Variants in DGKH observed in about 807,000 individuals in gnomAD.
The protein encoded by DGKH is DAG kinase eta.
DGKH carries 90 observed loss-of-function variants against 159.3 expected under a neutral mutation model. The ratio of observed to expected loss-of-function variants is 0.57; its 90% CI spans 0.48 to 0.67. The LOEUF (loss-of-function observed/expected upper bound fraction) is 0.67. DGKH is among the 30% of genes least tolerant of loss of function. The probability of loss-of-function intolerance (pLI) is 0.00; values close to 1 mark genes in which losing one functional copy is unlikely to be tolerated. For synonymous variants in DGKH, 536 were observed against 553.8 expected (o/e 0.97, Z 0.45); for missense variants, 1,181 against 1,506.1 (o/e 0.78, Z 3.57).
At chr13:42,166,070 C>T (rs1024599597) in intron 8 of DGKH, among the ~76,000 whole-genome samples, 1 of 152,050 alleles carries the variant, frequency 6.6e-6, no homozygotes, top group Non-Finnish European at 1.5e-5. Context: ...GAGGACTGTA[C>T]TATTATTAAT....
In DGKH at chr13:42,239,896, T is replaced by C. The variant is rs570786808; in HGVS notation, c.*10708T>C. 5 of 152,364 alleles carry C rather than the reference T, an allele frequency of 3.3e-5. No individual in the cohort carries two copies. The South Asian group carries it at 8.3e-4, about 25-fold the overall frequency. The allele number at this position is 152,364 out of a possible 1,614,324, so 9.4% of individuals were successfully genotyped here. A position where few individuals can be genotyped will look rare whatever the true frequency, so the allele number is the denominator to read the frequency against. ...TAATCCAGGAATTTGGAACTACTTATGACTTAGTGCCTTGGCATAATCACA... is the reference window on the plus strand; with the variant it reads ...TAATCCAGGAATTTGGAACTACTTACGACTTAGTGCCTTGGCATAATCACA... On this transcript the variant is annotated 3_prime_UTR_variant, in exon 30 of 30. Transcript: ENST00000337343.
At chr13:42,212,088 C>T (rs1275368153) in intron 24 of DGKH, among the ~76,000 whole-genome samples, 2 of 152,162 alleles carry the variant, frequency 1.3e-5, no homozygotes, top group African/African-American at 2.4e-5. Context: ...CATCTGGTCA[C>T]TGATAAAAAT....
At chr13:42,102,693 T>C (rs2137778180) in intron 1 of DGKH, among the ~76,000 whole-genome samples, 1 of 152,252 alleles carries the variant, frequency 6.6e-6, no homozygotes, top group Non-Finnish European at 1.5e-5. Flanking sequence ...CAACTTTGAG[T>C]AGAGTTTGGA....
At chr13:42,184,357 G>A (rs1248110269) in intron 13 of DGKH, among the ~76,000 whole-genome samples, 1 of 152,152 alleles carries the variant, frequency 6.6e-6, no homozygotes, top group Non-Finnish European at 1.5e-5. Flanking sequence ...AAGAAATTAA[G>A]TGGAAAGGTG....
rs1958383117 is a variant in DGKH, at chr13:42,234,835, A to C, written c.*5647A>C. On this transcript the variant is annotated 3_prime_UTR_variant, in exon 30 of 30. Coordinates refer to ENST00000337343, the MANE Select transcript of DGKH (RefSeq NM_178009.5). ...GGCATCCCCTGATTGACTTTTGTAT[A>C]GCAACCTCTGTGTCAAGTCAGTAAT... is the stretch of plus-strand genomic sequence containing the variant. 1 of 152,180 alleles carries C rather than the reference A, an allele frequency of 6.6e-6. No homozygotes were observed. Among genetic ancestry groups the C allele is most frequent in the Admixed American group, 6.5e-5 (1 of 15,276 alleles). The allele number at this position is 152,180 out of a possible 1,614,324, so 9.4% of individuals were successfully genotyped here.
intron 26 of DGKH, among the ~76,000 whole-genome samples, chr13:42,216,089 A>T (rs1218345396): frequency 6.6e-6 from 1 of 152,254 alleles, no homozygotes; most frequent in African/African-American, 2.4e-5. Flanking sequence ...TTTTCTAGAC[A>T]CAGTGTTTCA....
intron 28 of DGKH, among the ~76,000 whole-genome samples, chr13:42,220,404 T>A (rs1360652010): frequency 6.6e-6 from 1 of 152,230 alleles, no homozygotes; most frequent in African/African-American, 2.4e-5. Context: ...TTTTCACCTT[T>A]CCTTAGAGTT....
At chr13:42,195,777 G>A (rs1957190497) in intron 17 of DGKH, 1 of 152,158 alleles carries the variant, frequency 6.6e-6, no homozygotes, top group Admixed American at 6.5e-5. Context: ...TGATTTCTCA[G>A]ATATGACAAG....
At chr13:42,210,537 G>A (rs1168704635) in intron 23 of DGKH, 65 bp from the exon 24 acceptor site, 2 of 1,448,858 alleles carry the variant, frequency 1.4e-6, no homozygotes, top group African/African-American at 1.4e-5. Context: ...TTTTATTAAA[G>A]CACACATTTA....
chr13:42,207,650 ATTG>A (rs975232652), intron 21 of DGKH, among the ~76,000 whole-genome samples: 1 of 148,936 alleles, frequency 6.7e-6, no homozygotes, highest in African/African-American at 2.5e-5. Context: ...TACAAATGTA[ATTG>A]TTGTGAAAAG....
At chr13:42,102,392 T>C (rs941729053) in intron 1 of DGKH, among the ~76,000 whole-genome samples, 18 of 152,344 alleles carry the variant, frequency 1.2e-4, no homozygotes, top group Non-Finnish European at 2.1e-4. Flanking sequence ...TTTTAAAAAG[T>C]GGCCCCACTC....
In DGKH at chr13:42,210,552, G is replaced by C. The variant is rs779232361; in HGVS notation, c.2851-50G>C. ...TTTTATTAAAGCACACATTTACATG[G>C]ACCTCTGAGTTCTAAACTAACAATT... On this transcript the variant is annotated intron_variant, in intron 23 of 29. Coordinates refer to ENST00000337343, the MANE Select transcript of DGKH (RefSeq NM_178009.5). The C allele has an allele frequency of 5.2e-6, 8 of 1,544,258 alleles. No homozygotes were observed. The Admixed American group carries it at 1.5e-4, about 28-fold the overall frequency.
chr13:42,041,952 T>C (rs1306515244), intron 1 of DGKH, among the ~76,000 whole-genome samples: 1 of 152,206 alleles, frequency 6.6e-6, no homozygotes, highest in Non-Finnish European at 1.5e-5. Context: ...GTGCCAGGGT[T>C]GGCTGTCCTT....
chr13:42,094,378 A>G (rs1214919914), intron 1 of DGKH, among the ~76,000 whole-genome samples: 1 of 152,250 alleles, frequency 6.6e-6, no homozygotes, highest in Non-Finnish European at 1.5e-5. Context: ...CAAACTTGTT[A>G]GTACAGTTTT....
chr13:42,129,410 TA>T (rs1955242127), intron 2 of DGKH, 141 bp from the exon 3 acceptor site: 2 of 657,468 alleles, frequency 3.0e-6, no homozygotes, highest in Non-Finnish European at 5.1e-6. Flanking sequence ...TTTTCCTTTC[TA>T]GGAAGAAATT....
rs199701780 is a variant in DGKH at position 42,221,421 on chromosome 13, T to C, written c.3573+27T>C. ...TATTTCCTTTGTGCTCTTCTGTTCT[T>C]GAAAATTTTATTGCAAAACAGAATC... On this transcript the variant is annotated intron_variant, in intron 29 of 29. Transcript: ENST00000337343. The C allele has an allele frequency of 6.4e-5, 103 of 1,608,446 alleles. No homozygotes were observed. The East Asian group carries it at 1.1e-3, about 17-fold the overall frequency.
chr13:42,217,623 A>G (rs969898195), intron 26 of DGKH, among the ~76,000 whole-genome samples: 1 of 152,184 alleles, frequency 6.6e-6, no homozygotes, highest in Non-Finnish European at 1.5e-5. Flanking sequence ...AAAGTTCATA[A>G]TAACAGTAAT....
intron 24 of DGKH, among the ~76,000 whole-genome samples, chr13:42,211,183 C>A (rs759175619): frequency 3.3e-5 from 5 of 152,026 alleles, no homozygotes; most frequent in Non-Finnish European, 5.9e-5. Flanking sequence ...AAATAAAAAT[C>A]ACTATGACCA....
chr13:42,200,129 C>T (rs1350121165), intron 20 of DGKH, among the ~76,000 whole-genome samples: 1 of 152,142 alleles, frequency 6.6e-6, no homozygotes, highest in Non-Finnish European at 1.5e-5. Context: ...ATTGGGGCTA[C>T]TCTGGAGTTG....
Sources: gnomAD v4.1 joint callset for allele counts (sites outside exome capture counted in the v4.1 genomes callset) on GRCh38, gnomAD v4.1.1 for gene constraint, MANE v1.5 for transcripts, NCBI Gene and HGNC (gene_info 2026-07-23, HGNC 2026-07-21) for gene names.